FARS2: variants seen among roughly 807,000 people sequenced by gnomAD.
FARS2 encodes phenylalanine--tRNA ligase, mitochondrial.
In FARS2, 40 loss-of-function variants were observed where a neutral mutation model predicts 46.4. That is an observed-to-expected ratio of 0.86 (90% CI 0.67 to 1.12). FARS2 has a LOEUF of 1.12. Among genes scored for constraint, FARS2 ranks in the 50% most tolerant of loss-of-function variants. FARS2 has a pLI of 0.00. For missense variants in FARS2, 513 were observed against 567.9 expected, an observed-to-expected ratio of 0.90 and a Z score of 0.98; for synonymous variants, 234 against 214.9, an observed-to-expected ratio of 1.09 and a Z score of -0.78.
At position 5,571,595 on chromosome 6, in the gene FARS2, T is replaced by A. The variant is rs145738979; in HGVS notation, c.1065+26255T>A. On this transcript the variant is annotated intron_variant, in intron 5 of 6. Coordinates refer to ENST00000274680, the MANE Select transcript of FARS2 (RefSeq NM_006567.5). ...TCTGTCACCTCCTGATCATCCCTTC[T>A]GTGTCATCTAGTGGCTCTAGCACCC... Among the ~76,000 whole-genome samples, 4 of 152,272 alleles carry A rather than the reference T, an allele frequency of 2.6e-5. No individual in the cohort carries two copies. The East Asian group carries it at 7.7e-4, about 29-fold the overall frequency.
chr6:5,310,688 G>T (rs1365423388), intron 1 of FARS2, among the ~76,000 whole-genome samples: 5 of 152,126 alleles, frequency 3.3e-5, no homozygotes, highest in Non-Finnish European at 1.5e-5. Flanking sequence ...TTTTTGACCC[G>T]TTTGGCAAAC....
At chr6:5,310,803 T>A (rs1339036862) in intron 1 of FARS2, among the ~76,000 whole-genome samples, 1 of 152,244 alleles carries the variant, frequency 6.6e-6, no homozygotes, top group Non-Finnish European at 1.5e-5. Flanking sequence ...ACAAAAAATC[T>A]ATTTCACTGC....
chr6:5,424,793 A>G (rs995103427), intron 3 of FARS2, among the ~76,000 whole-genome samples: 4 of 152,220 alleles, frequency 2.6e-5, no homozygotes, highest in African/African-American at 7.2e-5. Context: ...AAAACAATTT[A>G]TAAAAGAATG....
At chr6:5,756,827 G>A (rs1762232455) in intron 6 of FARS2, among the ~76,000 whole-genome samples, 1 of 152,142 alleles carries the variant, frequency 6.6e-6, no homozygotes, top group Non-Finnish European at 1.5e-5. Context: ...GAAAAATTGT[G>A]GTAGACAAAG....
chr6:5,286,790 C>T (rs1767147390), intron 1 of FARS2, among the ~76,000 whole-genome samples: 1 of 152,154 alleles, frequency 6.6e-6, no homozygotes, highest in Non-Finnish European at 1.5e-5. Flanking sequence ...GTATGTAACA[C>T]ATATGTTGGC....
At chr6:5,680,284 C>T (rs1361531872) in intron 6 of FARS2, among the ~76,000 whole-genome samples, 1 of 152,166 alleles carries the variant, frequency 6.6e-6, no homozygotes, top group Non-Finnish European at 1.5e-5. Context: ...GAAAACAAGG[C>T]TGCAGCTGAT....
At chr6:5,363,491 C>G (rs1446875065) in intron 1 of FARS2, among the ~76,000 whole-genome samples, 1 of 151,824 alleles carries the variant, frequency 6.6e-6, no homozygotes, top group Non-Finnish European at 1.5e-5. Flanking sequence ...CGTCTTCCAC[C>G]CAGCATCACA....
chr6:5,307,847 G>A (rs1042600158), intron 1 of FARS2, among the ~76,000 whole-genome samples: 24 of 151,788 alleles, frequency 1.6e-4, no homozygotes, highest in Admixed American at 1.6e-3. Context: ...CAGCCTCAGG[G>A]GTCAGCCTCA....
At chr6:5,654,937 A>G (rs1245752839) in intron 6 of FARS2, among the ~76,000 whole-genome samples, 1 of 152,014 alleles carries the variant, frequency 6.6e-6, no homozygotes, top group African/African-American at 2.4e-5. Flanking sequence ...GTAAATGTGT[A>G]TTTTCTTATT....
chr6:5,477,552 C>T (rs553765235), intron 4 of FARS2, among the ~76,000 whole-genome samples: 17 of 152,316 alleles, frequency 1.1e-4, no homozygotes, highest in African/African-American at 3.8e-4. Flanking sequence ...ATTAGGAACA[C>T]TGGCTCTGAA....
intron 6 of FARS2, among the ~76,000 whole-genome samples, chr6:5,632,532 T>A (rs1027986801): frequency 6.6e-6 from 1 of 152,098 alleles, no homozygotes; most frequent in African/African-American, 2.4e-5. Flanking sequence ...CATACCCATT[T>A]AGCCCACCCA....
In FARS2 at chr6:5,770,364, C is replaced by G. The variant is rs928012012; in HGVS notation, c.1218-927C>G. Among the ~76,000 whole-genome samples, 29 of 152,120 alleles carry G rather than the reference C, an allele frequency of 1.9e-4. 1 individual carries two copies. The highest frequency in any genetic ancestry group is 1.6e-3 in the Admixed American group (24 of 15,268). ...CCTCAATTTGTTTCAGTTTCCTCCC[C>G]CAAGGCCAAGAAGGGATTGGGTTGC... is the stretch of plus-strand genomic sequence containing the variant. On this transcript the variant is annotated intron_variant, in intron 6 of 6. Coordinates refer to ENST00000274680, the MANE Select transcript of FARS2 (RefSeq NM_006567.5).
intron 1 of FARS2, among the ~76,000 whole-genome samples, chr6:5,291,565 C>G (rs1243486209): frequency 6.6e-6 from 1 of 152,072 alleles, no homozygotes; most frequent in African/African-American, 2.4e-5. Context: ...CTTTCTGGTA[C>G]TGATAATTAG....
chr6:5,678,922 G>A (rs958247462), intron 6 of FARS2, among the ~76,000 whole-genome samples: 1 of 152,194 alleles, frequency 6.6e-6, no homozygotes, highest in Non-Finnish European at 1.5e-5. Flanking sequence ...TACCTGCTGT[G>A]TGCTTCCTGG....
At chr6:5,679,736 G>A (rs1778937627) in intron 6 of FARS2, among the ~76,000 whole-genome samples, 1 of 152,124 alleles carries the variant, frequency 6.6e-6, no homozygotes, top group Non-Finnish European at 1.5e-5. Context: ...ATACCTGGAA[G>A]CAGCCGTCTC....
intron 6 of FARS2, among the ~76,000 whole-genome samples, chr6:5,660,508 A>G (rs1021574873): frequency 6.6e-5 from 10 of 152,242 alleles, no homozygotes; most frequent in African/African-American, 2.4e-4. Flanking sequence ...TTGGCTGGGC[A>G]TGATTGGTGC....
rs149900353 is a variant in FARS2 at position 5,636,716 on chromosome 6, C to A, written c.1217+23396C>A. Among the ~76,000 whole-genome samples the A allele has an allele frequency of 2.2e-3, 338 of 152,318 alleles. 1 individual carries two copies. The highest frequency in any genetic ancestry group is 3.4e-3 in the Non-Finnish European group (230 of 68,036). On this transcript the variant is annotated intron_variant, in intron 6 of 6. Transcript: ENST00000274680. Reference sequence around the variant, plus strand: ...CGTCTGCTGGCTTCTGAAACAAGTTCCCCACCTGGTCAAGCCACCAGGAGT... The same window carrying A: ...CGTCTGCTGGCTTCTGAAACAAGTTACCCACCTGGTCAAGCCACCAGGAGT...
At chr6:5,646,085 T>C (rs1777060352) in intron 6 of FARS2, among the ~76,000 whole-genome samples, 1 of 152,060 alleles carries the variant, frequency 6.6e-6, no homozygotes. Flanking sequence ...TTTCTTAGAA[T>C]AAGAAGCTAG....
chr6:5,511,186 G>A (rs1431138761), intron 4 of FARS2, among the ~76,000 whole-genome samples: 1 of 152,218 alleles, frequency 6.6e-6, no homozygotes, highest in East Asian at 1.9e-4. Flanking sequence ...AAGAATGATA[G>A]ATGCCAAGAT....
Sources: allele counts gnomAD v4.1 joint callset (sites outside exome capture counted in the v4.1 genomes callset), GRCh38; gene constraint gnomAD v4.1.1; transcripts MANE v1.5; gene names NCBI Gene and HGNC (gene_info 2026-07-23, HGNC 2026-07-21).